TRMT2A: variants seen among roughly 807,000 people sequenced by gnomAD.
TRMT2A encodes tRNA methyltransferase 2A, also known as tRNA (uracil-5-)-methyltransferase homolog A.
Under a neutral mutation model 59.3 loss-of-function variants are expected in TRMT2A, and 60 were observed. The ratio of observed to expected loss-of-function variants is 1.01; its 90% CI spans 0.82 to 1.26. The LOEUF is 1.26. Ranked by LOEUF, TRMT2A falls within the 50% of genes most tolerant of loss-of-function variation. The pLI, the probability that TRMT2A is intolerant of heterozygous loss-of-function variation, is 0.00. For synonymous variants in TRMT2A, 403 were observed against 353.7 expected, an observed-to-expected ratio of 1.14 and a Z score of -1.56; for missense variants, 863 against 845.2, an observed-to-expected ratio of 1.02 and a Z score of -0.26.
In TRMT2A at chr22:20,115,423, ACT is replaced by A. The variant is rs2049979769; in HGVS notation, c.731_732del (p.Glu244ValfsTer12). On this transcript the variant is annotated frameshift_variant, in exon 4 of 12. Transcript: ENST00000252136. LOFTEE classifies it high-confidence loss of function. ...PQQTEYRNKC[E>X]FLVGVGVDGE... is the part of the protein sequence containing the mutation. ...CCATCCACCCCGACGCCAACCAGAA[ACT>A]CACACTTATTACGATACTCAGTCTG... The A allele has an allele frequency of 1.2e-6, 2 of 1,610,820 alleles. No homozygotes were observed. The highest frequency in any genetic ancestry group is 2.2e-5 in the East Asian group (1 of 44,850).
In TRMT2A at chr22:20,114,597, T is replaced by G; in HGVS notation, c.1210A>C (p.Ile404Leu). Reference protein sequence around the residue: ...HEDLLGLTFRISPHAFFQVNT... With the variant: ...HEDLLGLTFRLSPHAFFQVNT... ...ACCTGGAAGAAGGCGTGTGGAGAGA[T>G]CCGGAAGGTCAGCCCTAGCAGGTCC... The change falls in exon 7 of 12, where the codon ATC becomes CTC. Residue 404 changes from isoleucine to leucine, a missense_variant. By Grantham distance (5) the Ile-to-Leu change is conservative. Transcript: ENST00000252136. 6.2e-7 allele frequency: 1 copy of G among 1,613,716 alleles called. No individual in the cohort carries two copies. The highest frequency in any genetic ancestry group is 1.6e-4 in the Middle Eastern group (1 of 6,062).
In TRMT2A at chr22:20,112,798, T is replaced by TG; in HGVS notation, c.1647-5dup. On this transcript the variant is annotated splice_polypyrimidine_tract_variant and splice_region_variant and intron_variant, in intron 11 of 11. Transcript: ENST00000252136. The stretch of plus-strand genomic sequence containing the variant: ...GTTAGATGGGGCTCTGCAGAGGCTG[T>TG]GGGGGGAAAAGGGGGGCGCTAAGGT... 6.2e-7 allele frequency: 1 copy of TG among 1,611,998 alleles called. No homozygotes were observed. The highest frequency in any genetic ancestry group is 2.2e-5 in the East Asian group (1 of 44,840).
In TRMT2A at chr22:20,113,112, A is replaced by G. The variant is rs770398189; in HGVS notation, c.1549+6T>C. ...CGTGCCACCTCCTTAAGCAAAAGCCACTCACGCAAGCCAGCACGGGGTGGG... is the reference window on the plus strand; with the variant it reads ...CGTGCCACCTCCTTAAGCAAAAGCCGCTCACGCAAGCCAGCACGGGGTGGG... On this transcript the variant is annotated splice_donor_region_variant and intron_variant, in intron 10 of 11. Transcript: ENST00000252136. 2 of 1,606,162 alleles carry G rather than the reference A, an allele frequency of 1.2e-6. No homozygotes were observed. The highest frequency in any genetic ancestry group is 2.2e-5 in the South Asian group (2 of 90,450).
intron 9 of TRMT2A, 39 bp downstream of exon 9, chr22:20,113,393 G>GGCCCCCGGCCC: frequency 6.4e-7 from 1 of 1,556,264 alleles, no homozygotes; most frequent in Non-Finnish European, 8.8e-7. Flanking sequence ...GGTGGCGGCT[G>GGCCCCCGGCCC]CCCCCATCCC....
intron 9 of TRMT2A, 27 bp downstream of exon 9, chr22:20,113,405 A>ACCCCCCCCCCC: frequency 1.7e-5 from 10 of 597,470 alleles, no homozygotes; most frequent in African/African-American, 2.5e-5. Context: ...CCCCATCCCC[A>ACCCCCCCCCCC]CCCCCACCCA....
At position 20,115,656 on chromosome 22, in the gene TRMT2A, CGAAG is replaced by C. The variant is rs1315539936; in HGVS notation, c.708+12_708+15del. The stretch of plus-strand genomic sequence containing the variant: ...ACCCAGGATAGGGGTTTGTGGCCAC[CGAAG>C]TCTAGTCTGACCTGCTGGGGTGATG... On this transcript the variant is annotated intron_variant, in intron 3 of 11. Coordinates refer to ENST00000252136, the MANE Select transcript of TRMT2A (RefSeq NM_022727.6). 4 of 1,612,414 alleles carry C rather than the reference CGAAG, an allele frequency of 2.5e-6. No individual in the cohort carries two copies. In the East Asian group the frequency reaches 8.9e-5, roughly 36 times the overall value.
chr22:20,114,503 C>A, intron 7 of TRMT2A, 71 bp downstream of exon 7: 3 of 1,269,302 alleles, frequency 2.4e-6, no homozygotes. Context: ...GCCCACTGTT[C>A]CCATCACGTC....
chr22:20,116,840 C>A, intron 1 of TRMT2A, 43 bp downstream of exon 1: 1 of 1,588,106 alleles, frequency 6.3e-7, no homozygotes, highest in Non-Finnish European at 8.6e-7. Context: ...CCGCCTCCTC[C>A]CACCCCATCC....
At chr22:20,113,399 A>AGGCCCCC in intron 9 of TRMT2A, 33 bp downstream of exon 9, 7 of 713,630 alleles carry the variant, frequency 9.8e-6, no homozygotes, top group Non-Finnish European at 1.4e-5. Context: ...GGCTGCCCCC[A>AGGCCCCC]TCCCCACCCC....
In TRMT2A at chr22:20,114,685, T is replaced by G; in HGVS notation, c.1122A>C (p.Arg374=). Reference sequence around the variant, plus strand: ...GCAGGCCCTCCTGGCTAGGAGTCTTTCTGTGGGCGAAGGTGCAGGTCCTTC... The same window carrying G: ...GCAGGCCCTCCTGGCTAGGAGTCTTGCTGTGGGCGAAGGTGCAGGTCCTTC... ...TCLYFVEEGQ[R]KTPSQEGLPL... is the part of the protein sequence containing the mutation. The change falls in exon 7 of 12, where the codon CGA becomes CGC. Residue 374 remains arginine, a splice_region_variant and synonymous_variant. Transcript: ENST00000252136. 1 of 1,613,304 alleles carries G rather than the reference T, an allele frequency of 6.2e-7. No individual in the cohort carries two copies. The highest frequency in any genetic ancestry group is 8.5e-7 in the Non-Finnish European group (1 of 1,179,962).
Position 20,112,555 on chromosome 22 carries a change from T to G in TRMT2A, c.*8A>C, listed in dbSNP as rs1297450225. 14 of 1,613,286 alleles carry G rather than the reference T, an allele frequency of 8.7e-6. No homozygotes were observed. Among genetic ancestry groups the G allele is most frequent in the Non-Finnish European group, 9.3e-6 (11 of 1,179,896 alleles). On this transcript the variant is annotated 3_prime_UTR_variant, in exon 12 of 12. Coordinates refer to ENST00000252136, the MANE Select transcript of TRMT2A (RefSeq NM_022727.6). Reference sequence around the variant, plus strand: ...CTTCAGCTCCTGTCCCCATAATGGGTCCTGGGCCTAGGATGAGGGGAAGGT... The same window carrying G: ...CTTCAGCTCCTGTCCCCATAATGGGGCCTGGGCCTAGGATGAGGGGAAGGT...
chr22:20,115,747 G>A lies in TRMT2A; in HGVS notation c.633C>T (p.Pro211=). ...EIGSTNRALL[P]WLLEQRHKHN... ...GCTTGTGCCTCTGCTCGAGCAGCCA[G>A]GGCAGCAAGGCACGGTTGGTGCTCC... The change falls in exon 3 of 12, where the codon CCC becomes CCT. Residue 211 remains proline (P), a synonymous_variant. Coordinates refer to ENST00000252136, the MANE Select transcript of TRMT2A (RefSeq NM_022727.6). 1.2e-6 allele frequency: 2 copies of A among 1,611,940 alleles called. No individual in the cohort carries two copies. The highest frequency in any genetic ancestry group is 1.3e-5 in the African/African-American group (1 of 75,056).
In TRMT2A at chr22:20,115,331, C is replaced by A. The variant is rs1473431320; in HGVS notation, c.825G>T (p.Pro275=). The stretch of plus-strand genomic sequence containing the variant: ...CTTCGGGGATGTGCACGGTGTCAAA[C>A]GGGGCTGCCACAGCACACGTCCCGC... ...YKGGTCAVAA[P]FDTVHIPEAT... Residue 275 remains proline (P), a synonymous_variant, in exon 4 of 12, where the codon CCG becomes CCT. Transcript: ENST00000252136. 5 of 1,612,680 alleles carry A rather than the reference C, an allele frequency of 3.1e-6. No homozygotes were observed. The highest frequency in any genetic ancestry group is 3.4e-6 in the Non-Finnish European group (4 of 1,180,012).
In TRMT2A at chr22:20,115,467, C is replaced by CA; in HGVS notation, c.709-21dup. ...CTCAGTCTGCAGGGAGAGAGAGCTG[C>CA]ACCTTACCCTGGCTGCCCAGCGCTT... On this transcript the variant is annotated intron_variant, in intron 3 of 11. Transcript: ENST00000252136. 6.3e-7 allele frequency: 1 copy of CA among 1,594,254 alleles called. No individual in the cohort carries two copies. Among genetic ancestry groups the CA allele is most frequent in the Non-Finnish European group, 8.6e-7 (1 of 1,168,908 alleles).
intron 6 of TRMT2A, 29 bp downstream of exon 6, chr22:20,114,732 A>T: frequency 6.2e-7 from 1 of 1,607,560 alleles, no homozygotes. Context: ...CCCTGCAGGG[A>T]CCTGCCCCGC....
Position 20,113,250 on chromosome 22 carries a change from C to T in TRMT2A, c.1433-16G>A, listed in dbSNP as rs765791940. On this transcript the variant is annotated splice_polypyrimidine_tract_variant and intron_variant, in intron 9 of 11. Coordinates refer to ENST00000252136, the MANE Select transcript of TRMT2A (RefSeq NM_022727.6). Reference sequence around the variant, plus strand: ...TTACTCAACTCTGAAGAGATGGCACCGTGGCCTGTCAGAGGGCCACATGCC... The same window carrying T: ...TTACTCAACTCTGAAGAGATGGCACTGTGGCCTGTCAGAGGGCCACATGCC... 12 of 1,531,862 alleles carry T rather than the reference C, an allele frequency of 7.8e-6. No individual in the cohort carries two copies. The highest frequency in any genetic ancestry group is 6.0e-5 in the Admixed American group (3 of 50,294). The allele number at this position is 1,531,862 out of a possible 1,614,324, so 94.9% of individuals were successfully genotyped here.
Position 20,113,730 on chromosome 22 carries a change from C to A in TRMT2A, c.1312G>T (p.Asp438Tyr). 2 of 1,608,056 alleles carry A rather than the reference C, an allele frequency of 1.2e-6. No individual in the cohort carries two copies. The highest frequency in any genetic ancestry group is 1.7e-6 in the Non-Finnish European group (2 of 1,178,248). Residue 438 changes from aspartate (D) to tyrosine (Y), a missense_variant, in exon 8 of 12, where the codon GAC becomes TAC. Coordinates refer to ENST00000252136, the MANE Select transcript of TRMT2A (RefSeq NM_022727.6). The part of the protein sequence containing the change: ...AQLDAGSMVL[D>Y]VCCGTGTIGL... ...ATGGTGCCGGTGCCACAGCACACGT[C>A]CAGCACCATGCTCCCCGCATCCAAT... is the stretch of plus-strand genomic sequence containing the variant.
rs2147969380 is a variant in TRMT2A, at chr22:20,117,013, G to A, written c.-107C>T. The A allele has an allele frequency of 3.5e-6, 5 of 1,426,312 alleles. No individual in the cohort carries two copies. Among genetic ancestry groups the A allele is most frequent in the Non-Finnish European group, 4.8e-6 (5 of 1,041,184 alleles). 88.4% of individuals were successfully genotyped at this position (1,426,312 alleles called of 1,614,324 possible). A position where few individuals can be genotyped will look rare whatever the true frequency, so the allele number is the denominator to read the frequency against. ...TGGCCTGTCACAAGGGAAGTGCTCA[G>A]AGGGGAGGTGCTCACAGAGCCGGTG... On this transcript the variant is annotated 5_prime_UTR_variant, in exon 1 of 12. Transcript: ENST00000252136.
chr22:20,116,671 C>G (rs2050033176), intron 1 of TRMT2A, 59 bp from the exon 2 acceptor site: 3 of 1,500,566 alleles, frequency 2.0e-6, no homozygotes, highest in Non-Finnish European at 2.7e-6. Context: ...CCTGGCCCCC[C>G]AAGCTTCCTT....
Sources: gnomAD v4.1 joint callset for allele counts on GRCh38, gnomAD v4.1.1 for gene constraint, MANE v1.5 for transcripts, NCBI Gene and HGNC (gene_info 2026-07-23, HGNC 2026-07-21) for gene names.